OTUD4: variants seen among roughly 807,000 people sequenced by gnomAD.
OTUD4 encodes the protein OTU domain-containing protein 4.
Under a neutral mutation model 130.4 loss-of-function variants are expected in OTUD4, and 24 were observed. That is an observed-to-expected ratio of 0.18 (90% CI 0.13 to 0.26). OTUD4 has a LOEUF of 0.26. Ranked by LOEUF, OTUD4 falls within the 10% of genes least tolerant of loss-of-function variation. The pLI, the probability that OTUD4 is intolerant of heterozygous loss-of-function variation, is 1.00. For missense variants in OTUD4, 1,031 were observed against 1,329.4 expected, an observed-to-expected ratio of 0.78 and a Z score of 3.49; for synonymous variants, 420 against 472.5, an observed-to-expected ratio of 0.89 and a Z score of 1.44.
In OTUD4 at chr4:145,141,668, T is replaced by C. The variant is rs1425410103; in HGVS notation, c.1823-29A>G. ...CAAAAGAGAAGAAAAGGAATCAAAA[T>C]GACAAAAGATGAAAATCTCTACAAA... On this transcript the variant is annotated intron_variant, in intron 18 of 20. Coordinates refer to ENST00000447906, the MANE Select transcript of OTUD4 (RefSeq NM_001366057.1). 6 of 1,502,490 alleles carry C rather than the reference T, an allele frequency of 4.0e-6. No individual in the cohort carries two copies. The African/African-American group carries it at 7.0e-5, about 18-fold the overall frequency. 93.1% of individuals were successfully genotyped at this position (1,502,490 alleles called of 1,614,324 possible).
intron 2 of OTUD4, 30 bp downstream of exon 2, chr4:145,174,631 C>A: frequency 8.0e-7 from 1 of 1,253,148 alleles, no homozygotes; most frequent in Non-Finnish European, 1.2e-6. Context: ...CAAGTCAAGA[C>A]ACCATTACAT....
intron 6 of OTUD4, among the ~76,000 whole-genome samples, chr4:145,159,838 A>G (rs1751470403): frequency 6.6e-6 from 1 of 152,236 alleles, no homozygotes; most frequent in Non-Finnish European, 1.5e-5. Flanking sequence ...GCAGTTAAGT[A>G]GTTTAAAATA....
intron 3 of OTUD4, 78 bp from the exon 4 acceptor site, chr4:145,165,275 C>A: frequency 4.8e-6 from 4 of 835,242 alleles, no homozygotes; most frequent in Non-Finnish European, 6.1e-6. Flanking sequence ...TACATACCTT[C>A]ATACAGCATA....
intron 10 of OTUD4, among the ~76,000 whole-genome samples, chr4:145,155,157 A>G (rs1384507736): frequency 6.6e-6 from 1 of 152,232 alleles, no homozygotes; most frequent in African/African-American, 2.4e-5. Flanking sequence ...TGAACCAAGT[A>G]ATACCAAAGG....
At chr4:145,171,636 A>G (rs1242854413) in intron 3 of OTUD4, 34 bp downstream of exon 3, 5 of 933,054 alleles carry the variant, frequency 5.4e-6, no homozygotes, top group Non-Finnish European at 8.7e-6. Context: ...TTGGATATAT[A>G]AAAATAGAAA....
chr4:145,146,251 G>T lies in OTUD4; in HGVS notation c.1422+16C>A. The T allele has an allele frequency of 1.4e-6, 2 of 1,477,466 alleles. No homozygotes were observed. Among genetic ancestry groups the T allele is most frequent in the East Asian group, 2.5e-5 (1 of 39,380 alleles). 91.5% of individuals were successfully genotyped at this position (1,477,466 alleles called of 1,614,324 possible). A position where few individuals can be genotyped will look rare whatever the true frequency, so the allele number is the denominator to read the frequency against. ...ACTTCTGTATAATGACTTTTAAACT[G>T]TCTTTTCATACATACGGAAAGGGCT... On this transcript the variant is annotated intron_variant, in intron 14 of 20. Transcript: ENST00000447906.
At chr4:145,141,228 ATGAC>A (rs1029469633) in intron 19 of OTUD4, 147 bp downstream of exon 19, 33 of 434,106 alleles carry the variant, frequency 7.6e-5, no homozygotes, top group Middle Eastern at 6.2e-4. Context: ...TGAAACAAGA[ATGAC>A]TGACTAATAG....
intron 1 of OTUD4, among the ~76,000 whole-genome samples, chr4:145,175,727 TAG>T (rs1400559700): frequency 6.6e-6 from 1 of 151,862 alleles, no homozygotes; most frequent in Non-Finnish European, 1.5e-5. Flanking sequence ...GTATTTTTAG[TAG>T]AGACAGGGTT....
chr4:145,167,933 G>A (rs1008948895), intron 3 of OTUD4, among the ~76,000 whole-genome samples: 3 of 151,884 alleles, frequency 2.0e-5, no homozygotes, highest in Non-Finnish European at 4.4e-5. Context: ...TTTTTGATAC[G>A]TAACCTTCAG....
At chr4:145,156,679 G>A (rs1343973764) in intron 7 of OTUD4, among the ~76,000 whole-genome samples, 16 of 149,326 alleles carry the variant, frequency 1.1e-4, no homozygotes, top group Admixed American at 6.0e-4. Flanking sequence ...GCGAAACTCC[G>A]TCTCAAAAAA....
At chr4:145,172,081 T>C (rs890312465) in intron 2 of OTUD4, among the ~76,000 whole-genome samples, 2 of 152,186 alleles carry the variant, frequency 1.3e-5, no homozygotes, top group African/African-American at 4.8e-5. Flanking sequence ...ACAAGCAATC[T>C]GGCCAGCTGG....
chr4:145,143,324 G>C (rs1317831913), intron 17 of OTUD4, 41 bp downstream of exon 17: 3 of 1,247,798 alleles, frequency 2.4e-6, no homozygotes, highest in Non-Finnish European at 3.5e-6. Flanking sequence ...CAGAAACCCA[G>C]AGAGTGGAGC....
rs558866254 is a variant in OTUD4 at position 145,142,667 on chromosome 4, G to A, written c.1684-333C>T. Among the ~76,000 whole-genome samples the A allele has an allele frequency of 1.1e-3, 161 of 152,340 alleles. 4 individuals carry two copies. The South Asian group carries it at 0.032, about 31-fold the overall frequency. ...ATCCCAAGGTGCTGGAATTACAGGC[G>A]TGAGCCACCGCACCTATCCACTAGC... On this transcript the variant is annotated intron_variant, in intron 17 of 20. Coordinates refer to ENST00000447906, the MANE Select transcript of OTUD4 (RefSeq NM_001366057.1).
At position 145,155,964 on chromosome 4, in the gene OTUD4, T is replaced by C. The variant is rs1751266433; in HGVS notation, c.662A>G (p.Asn221Ser). Residue 221 changes from asparagine (N) to serine (S), a missense_variant, in exon 8 of 21, where the codon AAT becomes AGT. Coordinates refer to ENST00000447906, the MANE Select transcript of OTUD4 (RefSeq NM_001366057.1). Reference protein sequence around the residue: ...SKTAAAAADVNGFKPLSGNEQ... With the variant: ...SKTAAAAADVSGFKPLSGNEQ... ...ATTGCCTGACAAAGGTTTAAATCCA[T>C]TCACATCAGCAGCAGCAGCAGCAGT... The C allele has an allele frequency of 6.2e-7, 1 of 1,611,906 alleles. No homozygotes were observed. Among genetic ancestry groups the C allele is most frequent in the African/African-American group, 1.3e-5 (1 of 74,842 alleles).
chr4:145,174,520 C>A (rs1034876019), intron 2 of OTUD4, 141 bp downstream of exon 2: 2 of 582,880 alleles, frequency 3.4e-6, no homozygotes, highest in South Asian at 2.2e-5. Flanking sequence ...AGATTAAGTT[C>A]AATAGAGAAG....
intron 1 of OTUD4, among the ~76,000 whole-genome samples, chr4:145,175,872 T>G (rs570524840): frequency 6.6e-6 from 1 of 151,614 alleles, no homozygotes; most frequent in Non-Finnish European, 1.5e-5. Context: ...TATCCAATGC[T>G]TCCTTCTAGC....
chr4:145,165,482 CT>C lies in OTUD4; in HGVS notation c.295-286del, dbSNP rs895997652. 8.9e-4 allele frequency among the ~76,000 whole-genome samples: 129 copies of C among 145,652 alleles called. 1 individual carries two copies. The highest frequency in any genetic ancestry group is 2.0e-3 in the East Asian group (10 of 5,010). Reference sequence around the variant, plus strand: ...CAGCATGGCATCTGTTAAGTTGAGACTTTTTTTTTTTTGAGATGGAGTTTCG... The same window carrying C: ...CAGCATGGCATCTGTTAAGTTGAGACTTTTTTTTTTTGAGATGGAGTTTCG... On this transcript the variant is annotated intron_variant, in intron 3 of 20. Transcript: ENST00000447906.
At position 145,180,016 on chromosome 4, in the gene OTUD4, C is replaced by T; in HGVS notation, c.-43G>A. ...AGGCCAGGCGCGGCGAGGGCTAGCC[C>T]CACATGGCCAGGCCGCCGGCTGCTC... On this transcript the variant is annotated 5_prime_UTR_variant, in exon 1 of 21. An upstream open reading frame in the 5' UTR gains an earlier in-frame stop. Transcript: ENST00000447906. 7.4e-7 allele frequency: 1 copy of T among 1,353,892 alleles called. No homozygotes were observed. Among genetic ancestry groups the T allele is most frequent in the Non-Finnish European group, 9.4e-7 (1 of 1,062,810 alleles). The allele number at this position is 1,353,892 out of a possible 1,614,324, so 83.9% of individuals were successfully genotyped here. A position where few individuals can be genotyped will look rare whatever the true frequency, so the allele number is the denominator to read the frequency against.
At chr4:145,165,356 G>C (rs935886235) in intron 3 of OTUD4, among the ~76,000 whole-genome samples, 159 bp from the exon 4 acceptor site, 2 of 152,132 alleles carry the variant, frequency 1.3e-5, no homozygotes, top group African/African-American at 4.8e-5. Context: ...ATATAAAACA[G>C]ACCACAATAT....
Sources: gnomAD v4.1 joint callset for allele counts (sites outside exome capture counted in the v4.1 genomes callset) on GRCh38, gnomAD v4.1.1 for gene constraint, MANE v1.5 for transcripts, NCBI Gene and HGNC (gene_info 2026-07-23, HGNC 2026-07-21) for gene names.